The following UNC13A variants were observed in gnomAD, a reference collection of about 807,000 sequenced individuals.
UNC13A encodes the protein unc-13 homolog A, also known as protein unc-13 homolog A.
A neutral mutation model predicts 219.7 loss-of-function variants in UNC13A; 61 were observed. The observed-to-expected ratio is 0.28, with a 90% confidence interval of 0.23 to 0.34. The LOEUF is 0.34. Among genes scored for constraint, UNC13A ranks in the 10% least tolerant of loss-of-function variants. UNC13A has a pLI of 1.00. For missense variants in UNC13A, 1,476 were observed against 2,270.3 expected, an observed-to-expected ratio of 0.65 and a Z score of 7.11; for synonymous variants, 920 against 884.6, an observed-to-expected ratio of 1.04 and a Z score of -0.71.
At chr19:17,673,260 G>A (rs559322097) in intron 3 of UNC13A, among the ~76,000 whole-genome samples, 34 of 151,664 alleles carry the variant, frequency 2.2e-4, no homozygotes, top group Non-Finnish European at 4.4e-4. Flanking sequence ...GGGAGGCTGA[G>A]GCAGGAGAAT....
rs1222678456 is a variant in UNC13A, at chr19:17,670,200, C to T, written c.271-524G>A. Among the ~76,000 whole-genome samples, 3 of 151,852 alleles carry T rather than the reference C, an allele frequency of 2.0e-5. No homozygotes were observed. In the East Asian group the frequency reaches 5.9e-4, roughly 30 times the overall value. On this transcript the variant is annotated intron_variant, in intron 4 of 43. Transcript: ENST00000519716. Reference sequence around the variant, plus strand: ...TGACCTCGTGATCCACCCATCTCGGCCTCCCAAAGTGCTGGGATTACAGGC... The same window carrying T: ...TGACCTCGTGATCCACCCATCTCGGTCTCCCAAAGTGCTGGGATTACAGGC...
At position 17,610,096 on chromosome 19, in the gene UNC13A, A is replaced by T; in HGVS notation, c.4655T>A (p.Val1552Glu). 6.2e-7 allele frequency: 1 copy of T among 1,614,034 alleles called. No individual in the cohort carries two copies. The highest frequency in any genetic ancestry group is 1.3e-5 in the African/African-American group (1 of 75,064). ...TGEHKVTVKV[V>E]AANDLKWQTS... is the part of the protein sequence containing the mutation. The stretch of plus-strand genomic sequence containing the variant: ...CTGCCACTTGAGGTCATTGGCAGCC[A>T]CCACTGTTGGAGGAAGTAGAGGGTA... Residue 1552 changes from valine (V) to glutamate (E), a missense_variant, in exon 43 of 44, where the codon GTG (valine) becomes GAG (glutamate). Physicochemically the swap from Val to Glu is moderately radical, Grantham distance 121. Coordinates refer to ENST00000519716, the MANE Select transcript of UNC13A (RefSeq NM_001080421.3).
At chr19:17,626,264 CA>C in intron 34 of UNC13A, 1 of 184,596 alleles carries the variant, frequency 5.4e-6, no homozygotes, top group Non-Finnish European at 1.1e-5. Context: ...ATCTATGCAT[CA>C]AAACATTTAT....
intron 43 of UNC13A, among the ~76,000 whole-genome samples, chr19:17,607,842 TA>T (rs2076550538): frequency 1.4e-5 from 2 of 147,560 alleles, no homozygotes; most frequent in African/African-American, 5.0e-5. Context: ...CTACCCTTGC[TA>T]ACCACCACCA....
At chr19:17,657,954 T>A in intron 9 of UNC13A, 108 bp downstream of exon 9, 2 of 1,167,552 alleles carry the variant, frequency 1.7e-6, no homozygotes, top group Non-Finnish European at 2.5e-6. Flanking sequence ...ATGGGTGAAT[T>A]CTGCCCTTCT....
At chr19:17,615,742 C>T (rs2076655804) in intron 41 of UNC13A, among the ~76,000 whole-genome samples, 1 of 152,064 alleles carries the variant, frequency 6.6e-6, no homozygotes. Context: ...CAAGGTCCTG[C>T]TCAGCCTTAG....
At chr19:17,644,203 G>A (rs1474688865) in intron 19 of UNC13A, among the ~76,000 whole-genome samples, 1 of 151,920 alleles carries the variant, frequency 6.6e-6, no homozygotes, top group African/African-American at 2.4e-5. Flanking sequence ...TGGGGGGTCG[G>A]GGGGACACAG....
At chr19:17,666,293 G>A (rs1303333907) in intron 7 of UNC13A, among the ~76,000 whole-genome samples, 1 of 151,446 alleles carries the variant, frequency 6.6e-6, no homozygotes, top group African/African-American at 2.4e-5. Context: ...GCCCACTGCA[G>A]ATTCTGCCTC....
intron 1 of UNC13A, among the ~76,000 whole-genome samples, chr19:17,684,463 G>T (rs1358766899): frequency 6.6e-6 from 1 of 152,190 alleles, no homozygotes; most frequent in Non-Finnish European, 1.5e-5. Flanking sequence ...CTCAATTAAT[G>T]CTTGTTGCAT....
In UNC13A at chr19:17,649,330, A is replaced by G. The variant is rs1253266282; in HGVS notation, c.1524+9T>C. 1 of 1,584,584 alleles carries G rather than the reference A, an allele frequency of 6.3e-7. No homozygotes were observed. Among genetic ancestry groups the G allele is most frequent in the African/African-American group, 1.3e-5 (1 of 74,510 alleles). The stretch of plus-strand genomic sequence containing the variant: ...AAGATCCCAAGAGGCCCATGTCGCC[A>G]TCACTCACCATGGCCTGAAGTGTCC... On this transcript the variant is annotated intron_variant, in intron 14 of 43. Transcript: ENST00000519716. This position sits in a 1 kb window ranked among gnomAD's most constrained non-coding sequence, Gnocchi z 4.4.
intron 1 of UNC13A, among the ~76,000 whole-genome samples, chr19:17,680,869 C>CTTTTTT (rs71162171): frequency 1.4e-4 from 15 of 106,404 alleles, no homozygotes; most frequent in South Asian, 3.1e-4. Flanking sequence ...TCTTCTTCTT[C>CTTTTTT]TTTTTTTTTC....
At chr19:17,632,069 C>T (rs2076861817) in intron 28 of UNC13A, among the ~76,000 whole-genome samples, 1 of 152,218 alleles carries the variant, frequency 6.6e-6, no homozygotes, top group African/African-American at 2.4e-5. Context: ...TGCCACCACA[C>T]CTGGCTAATT....
At position 17,688,204 on chromosome 19, in the gene UNC13A, C is replaced by T; in HGVS notation, c.-5G>A. The stretch of plus-strand genomic sequence containing the variant: ...TCCAACGCAAAGCAGAGACATGTCT[C>T]CGAGCTCGCAGGTGGGCCGGAGGCG... On this transcript the variant is annotated 5_prime_UTR_variant, in exon 1 of 44. Transcript: ENST00000519716. 6.6e-7 allele frequency: 1 copy of T among 1,506,792 alleles called. No individual in the cohort carries two copies. The highest frequency in any genetic ancestry group is 8.9e-7 in the Non-Finnish European group (1 of 1,128,428). The allele number at this position is 1,506,792 out of a possible 1,614,324, so 93.3% of individuals were successfully genotyped here.
intron 43 of UNC13A, among the ~76,000 whole-genome samples, chr19:17,607,357 G>A (rs1425374199): frequency 2.7e-5 from 4 of 146,398 alleles, no homozygotes; most frequent in Middle Eastern, 3.5e-3. Context: ...TGTCTCCCGG[G>A]TTCAAACGAT....
chr19:17,657,397 T>A (rs2079476878), intron 9 of UNC13A, among the ~76,000 whole-genome samples: 1 of 152,162 alleles, frequency 6.6e-6, no homozygotes. Flanking sequence ...CTTGTGCAAA[T>A]GCCCCCCACT....
In UNC13A at chr19:17,674,354, T is replaced by C. The variant is rs1224259121; in HGVS notation, c.152+303A>G. Among the ~76,000 whole-genome samples, 1 of 152,054 alleles carries C rather than the reference T, an allele frequency of 6.6e-6. No homozygotes were observed. Among genetic ancestry groups the C allele is most frequent in the Non-Finnish European group, 1.5e-5 (1 of 68,008 alleles). Reference sequence around the variant, plus strand: ...GGAACATGGGAGCGACAGGATGTGATTTGCAGTTTTAAAAATATCCCCCTG... The same window carrying C: ...GGAACATGGGAGCGACAGGATGTGACTTGCAGTTTTAAAAATATCCCCCTG... On this transcript the variant is annotated intron_variant, in intron 3 of 43. Transcript: ENST00000519716. The surrounding 1 kb of genome is among the most constrained non-coding windows in gnomAD (Gnocchi z 5.0).
Position 17,621,824 on chromosome 19 carries a change from C to T in UNC13A, c.4242+8G>A. ...CTCAGGGCCTCAGTGAGACGAGGCC[C>T]TCATTACCTTTTCTAATCCCTTGCC... is the stretch of plus-strand genomic sequence containing the variant. On this transcript the variant is annotated splice_region_variant and intron_variant, in intron 37 of 43. Coordinates refer to ENST00000519716, the MANE Select transcript of UNC13A (RefSeq NM_001080421.3). 6.2e-7 allele frequency: 1 copy of T among 1,613,954 alleles called. No homozygotes were observed.
In UNC13A at chr19:17,625,723, C is replaced by T. The variant is rs540575060; in HGVS notation, c.4074-771G>A. 2.0e-5 allele frequency among the ~76,000 whole-genome samples: 3 copies of T among 150,932 alleles called. No homozygotes were observed. In the East Asian group the frequency reaches 5.9e-4, roughly 30 times the overall value. ...ATCCATCCATCGACCCACTCATCCACCCACCCCCCCATCTGTCCAACCATT... is the reference window on the plus strand; with the variant it reads ...ATCCATCCATCGACCCACTCATCCATCCACCCCCCCATCTGTCCAACCATT... On this transcript the variant is annotated intron_variant, in intron 34 of 43. Coordinates refer to ENST00000519716, the MANE Select transcript of UNC13A (RefSeq NM_001080421.3).
intron 1 of UNC13A, among the ~76,000 whole-genome samples, chr19:17,685,063 G>A (rs1387780113): frequency 6.6e-6 from 1 of 152,160 alleles, no homozygotes; most frequent in Non-Finnish European, 1.5e-5. Flanking sequence ...TGCTTTGAAT[G>A]TCCAGGCAAG....
Sources: gnomAD v4.1 joint callset for allele counts (sites outside exome capture counted in the v4.1 genomes callset) on GRCh38, gnomAD v4.1.1 for gene constraint, Gnocchi (gnomAD v3.1) non-coding constraint, MANE v1.5 for transcripts, NCBI Gene and HGNC (gene_info 2026-07-23, HGNC 2026-07-21) for gene names.